CNTLN: variants seen among roughly 807,000 people sequenced by gnomAD.
CNTLN encodes the protein centlein, centrosomal protein.
In CNTLN, 212 loss-of-function variants were observed where a neutral mutation model predicts 180.0. That is an observed-to-expected ratio of 1.18 (90% CI 1.05 to 1.32). The LOEUF (loss-of-function observed/expected upper bound fraction) is 1.32, where lower values mean the gene tolerates loss of function less well. Ranked by LOEUF, CNTLN falls within the 40% of genes most tolerant of loss-of-function variation. The pLI is 0.00. For missense variants in CNTLN, 2,095 were observed against 1,610.9 expected, an observed-to-expected ratio of 1.30 and a Z score of -5.14; for synonymous variants, 722 against 563.1, an observed-to-expected ratio of 1.28 and a Z score of -3.99.
intron 18 of CNTLN, among the ~76,000 whole-genome samples, chr9:17,429,523 C>T (rs1829288497): frequency 6.6e-6 from 1 of 151,962 alleles, no homozygotes; most frequent in African/African-American, 2.4e-5. Context: ...ATTTAAGGCA[C>T]TTAGAAATAT....
chr9:17,428,344 C>T (rs1829218561), intron 18 of CNTLN, among the ~76,000 whole-genome samples: 1 of 152,128 alleles, frequency 6.6e-6, no homozygotes. Flanking sequence ...TTACTACGTA[C>T]AGGGCATCTT....
intron 20 of CNTLN, among the ~76,000 whole-genome samples, 166 bp from the exon 21 acceptor site, chr9:17,464,331 A>G (rs886941652): frequency 6.6e-6 from 1 of 151,410 alleles, no homozygotes; most frequent in African/African-American, 2.4e-5. Flanking sequence ...TCAAAATATT[A>G]AAAGAACAAT....
At chr9:17,506,879 G>T (rs1833941850), downstream of CNTLN, among the ~76,000 whole-genome samples, 1 of 151,896 alleles carries the variant, frequency 6.6e-6, no homozygotes, top group Non-Finnish European at 1.5e-5. Flanking sequence ...ATACGTATGG[G>T]GTAAAATAGA....
At chr9:17,156,628 A>G (rs913795984) in intron 2 of CNTLN, among the ~76,000 whole-genome samples, 1 of 152,208 alleles carries the variant, frequency 6.6e-6, no homozygotes, top group Non-Finnish European at 1.5e-5. Context: ...GATCTTATTC[A>G]GATTCATTTT....
In CNTLN at chr9:17,457,683, T is replaced by A. The variant is rs769880889; in HGVS notation, c.3274T>A (p.Leu1092Met). ...ACTTAGTCCTTCAAGGAGCATGGAT[T>A]TGGAAATGAAGCAATTGCAGTATAA... ...TSLSPSRSMDLEMKQLQYKLK... is the reference protein window; with the variant it reads ...TSLSPSRSMDMEMKQLQYKLK... Residue 1092 changes from leucine (L) to methionine (M), a missense_variant, in exon 19 of 26, where the codon TTG (leucine) becomes ATG (methionine). Transcript: ENST00000380647. 9 of 1,504,398 alleles carry A rather than the reference T, an allele frequency of 6.0e-6. No individual in the cohort carries two copies. The East Asian group carries it at 1.5e-4, about 25-fold the overall frequency. The allele number at this position is 1,504,398 out of a possible 1,614,324, so 93.2% of individuals were successfully genotyped here.
At chr9:17,492,246 GT>G (rs1201067026) in intron 25 of CNTLN, among the ~76,000 whole-genome samples, 1 of 151,626 alleles carries the variant, frequency 6.6e-6, no homozygotes, top group Admixed American at 6.6e-5. Flanking sequence ...TACAATATCA[GT>G]TTTTTCTTGT....
At chr9:17,424,061 A>T (rs1333470498) in intron 18 of CNTLN, among the ~76,000 whole-genome samples, 1 of 152,124 alleles carries the variant, frequency 6.6e-6, no homozygotes, top group Non-Finnish European at 1.5e-5. Flanking sequence ...CTTCTGAGGG[A>T]AGAAAGTCAC....
chr9:17,327,675 C>T (rs1016313849), intron 8 of CNTLN, among the ~76,000 whole-genome samples: 6 of 150,898 alleles, frequency 4.0e-5, no homozygotes, highest in Middle Eastern at 3.4e-3. Context: ...GCATTTAGGC[C>T]GGGTGCAGTG....
At chr9:17,511,995 C>G in the CNTLN span, among the ~76,000 whole-genome samples, 1 of 152,202 alleles carries the variant, frequency 6.6e-6, no homozygotes, top group Admixed American at 6.5e-5. Context: ...AGAGTGAGGT[C>G]TGTCACATAA....
At chr9:17,235,147 T>G (rs940166022) in intron 3 of CNTLN, among the ~76,000 whole-genome samples, 2 of 152,178 alleles carry the variant, frequency 1.3e-5, no homozygotes, top group African/African-American at 2.4e-5. Context: ...AATGTTCGGT[T>G]AAAAATTTTG....
chr9:17,299,015 G>A lies in CNTLN; in HGVS notation c.1146+663G>A, dbSNP rs556453759. The A allele has an allele frequency of 3.7e-5, 29 of 785,610 alleles. No individual in the cohort carries two copies. In the East Asian group the frequency reaches 1.0e-3, roughly 28 times the overall value. The allele number at this position is 785,610 out of a possible 1,614,324, so 48.7% of individuals were successfully genotyped here. A position where few individuals can be genotyped will look rare whatever the true frequency, so the allele number is the denominator to read the frequency against. On this transcript the variant is annotated intron_variant, in intron 7 of 25. Transcript: ENST00000380647. Reference sequence around the variant, plus strand: ...TCCCAGCACTTTGGGAGGCTGAGGCGGGCGAATCACAAGGTCAAGAGATCG... The same window carrying A: ...TCCCAGCACTTTGGGAGGCTGAGGCAGGCGAATCACAAGGTCAAGAGATCG...
intron 18 of CNTLN, among the ~76,000 whole-genome samples, chr9:17,457,304 G>T (rs1209877988): frequency 1.3e-5 from 2 of 151,996 alleles, no homozygotes; most frequent in African/African-American, 4.8e-5. Context: ...AAAAGATATT[G>T]AGTATAGCTG....
At chr9:17,218,788 A>T (rs1451961522) in intron 2 of CNTLN, among the ~76,000 whole-genome samples, 1 of 152,190 alleles carries the variant, frequency 6.6e-6, no homozygotes, top group East Asian at 1.9e-4. Flanking sequence ...TCAGACCAAT[A>T]TCACTGCCTC....
intron 8 of CNTLN, among the ~76,000 whole-genome samples, chr9:17,323,703 C>T (rs1323540333): frequency 6.6e-6 from 1 of 152,184 alleles, no homozygotes; most frequent in African/African-American, 2.4e-5. Flanking sequence ...ACAGATGTGG[C>T]AATATGGCTG....
chr9:17,287,431 G>A (rs1044456174), intron 6 of CNTLN, among the ~76,000 whole-genome samples: 11 of 150,972 alleles, frequency 7.3e-5, no homozygotes, highest in African/African-American at 2.4e-4. Flanking sequence ...CAGGATTTTT[G>A]CATCAATGTT....
chr9:17,228,340 CAT>C (rs1360114032), intron 3 of CNTLN, among the ~76,000 whole-genome samples: 13 of 151,964 alleles, frequency 8.6e-5, no homozygotes, highest in Admixed American at 5.3e-4. Context: ...TTATATATAA[CAT>C]ATTAAACTCT....
At chr9:17,317,114 C>G (rs894595204) in intron 8 of CNTLN, among the ~76,000 whole-genome samples, 7 of 151,664 alleles carry the variant, frequency 4.6e-5, no homozygotes, top group African/African-American at 1.7e-4. Context: ...GGTGAGAAAT[C>G]TGATGTAATT....
chr9:17,364,596 A>G (rs986134031), intron 12 of CNTLN, among the ~76,000 whole-genome samples: 25 of 152,072 alleles, frequency 1.6e-4, no homozygotes, highest in African/African-American at 5.8e-4. Flanking sequence ...TCTTATCTCT[A>G]TTTTATTGTT....
chr9:17,400,842 G>A (rs1826917211), intron 15 of CNTLN, among the ~76,000 whole-genome samples: 1 of 152,148 alleles, frequency 6.6e-6, no homozygotes, highest in Admixed American at 6.5e-5. Flanking sequence ...CAATCAAACA[G>A]TGTAGTCTCA....
Sources: allele counts gnomAD v4.1 joint callset (sites outside exome capture counted in the v4.1 genomes callset), GRCh38; gene constraint gnomAD v4.1.1; transcripts MANE v1.5; gene names NCBI Gene and HGNC (gene_info 2026-07-23, HGNC 2026-07-21).